FBXL17: variants seen among roughly 807,000 people sequenced by gnomAD.
FBXL17 encodes F-box/LRR-repeat protein 17.
In FBXL17, 22 loss-of-function variants were observed where a neutral mutation model predicts 66.2. The observed-to-expected ratio is 0.33, with a 90% confidence interval of 0.24 to 0.47. The LOEUF (loss-of-function observed/expected upper bound fraction) is 0.47, where lower values mean the gene tolerates loss of function less well. FBXL17 is among the 20% of genes least tolerant of loss of function. The probability of loss-of-function intolerance (pLI) is 1.00; values close to 1 mark genes in which losing one functional copy is unlikely to be tolerated. For synonymous variants in FBXL17, 474 were observed against 400.5 expected (o/e 1.18, Z -2.19); for missense variants, 878 against 948.2 (o/e 0.93, Z 0.97).
chr5:107,913,655 G>A (rs1750026316), intron 7 of FBXL17, among the ~76,000 whole-genome samples: 1 of 152,042 alleles, frequency 6.6e-6, no homozygotes, highest in African/African-American at 2.4e-5. Flanking sequence ...TGGAGGGTGG[G>A]AGGGAGAAAG....
intron 8 of FBXL17, among the ~76,000 whole-genome samples, chr5:107,870,139 A>G (rs982084429): frequency 2.0e-5 from 3 of 152,180 alleles, no homozygotes; most frequent in African/African-American, 7.2e-5. Flanking sequence ...AGTCCAAAAC[A>G]TAGATCAGGT....
chr5:108,170,141 T>C (rs2150015463), intron 6 of FBXL17, among the ~76,000 whole-genome samples: 1 of 152,166 alleles, frequency 6.6e-6, no homozygotes, highest in South Asian at 2.1e-4. Flanking sequence ...AATTTATTAA[T>C]GAAAAAAAAT....
chr5:108,235,837 A>C (rs763833917), intron 4 of FBXL17, among the ~76,000 whole-genome samples: 5 of 152,202 alleles, frequency 3.3e-5, no homozygotes, highest in Admixed American at 1.3e-4. Context: ...TGAATGAATG[A>C]AGTATCTTTT....
chr5:108,110,703 C>A (rs1749999083), intron 6 of FBXL17, among the ~76,000 whole-genome samples: 1 of 151,840 alleles, frequency 6.6e-6, no homozygotes, highest in Non-Finnish European at 1.5e-5. Flanking sequence ...TCATAACCTG[C>A]CAATCCTACT....
At chr5:108,127,193 ACCAACACTTATGTC>A (rs745431060) in intron 6 of FBXL17, among the ~76,000 whole-genome samples, 2 of 152,210 alleles carry the variant, frequency 1.3e-5, no homozygotes, top group Non-Finnish European at 2.9e-5. Flanking sequence ...TTTGGAAGAC[ACCAACACTTATGTC>A]TTTGTAGAAG....
chr5:108,374,245 C>T (rs559797652), intron 1 of FBXL17, among the ~76,000 whole-genome samples: 1 of 152,326 alleles, frequency 6.6e-6, no homozygotes, highest in South Asian at 2.1e-4. Context: ...AATACACATT[C>T]TTCTGAAGTG....
At chr5:108,232,108 T>C (rs1755369611) in intron 4 of FBXL17, among the ~76,000 whole-genome samples, 1 of 152,220 alleles carries the variant, frequency 6.6e-6, no homozygotes, top group Non-Finnish European at 1.5e-5. Context: ...TATGAGTATT[T>C]CCTCCTTCTT....
chr5:108,316,624 T>C (rs1381369268), intron 4 of FBXL17, among the ~76,000 whole-genome samples: 1 of 151,446 alleles, frequency 6.6e-6, no homozygotes, highest in Non-Finnish European at 1.5e-5. Context: ...ATTTCCTTTT[T>C]TTAACGATGT....
intron 7 of FBXL17, among the ~76,000 whole-genome samples, chr5:107,977,791 T>C (rs186006112): frequency 6.0e-4 from 92 of 152,262 alleles, no homozygotes; most frequent in Non-Finnish European, 1.1e-3. Flanking sequence ...GGCACATAGT[T>C]TGTTCTTTGA....
intron 4 of FBXL17, among the ~76,000 whole-genome samples, chr5:108,346,463 G>A (rs1747287998): frequency 6.6e-6 from 1 of 152,020 alleles, no homozygotes; most frequent in East Asian, 1.9e-4. Context: ...CTTTCTTTGG[G>A]AAACCATTGG....
At chr5:108,265,436 A>T (rs928276569) in intron 4 of FBXL17, among the ~76,000 whole-genome samples, 1 of 152,176 alleles carries the variant, frequency 6.6e-6, no homozygotes, top group Non-Finnish European at 1.5e-5. Context: ...TTCCCATAAT[A>T]TTAGATCTAG....
chr5:107,929,093 T>C (rs1750638955), intron 7 of FBXL17, among the ~76,000 whole-genome samples: 1 of 152,172 alleles, frequency 6.6e-6, no homozygotes, highest in Non-Finnish European at 1.5e-5. Flanking sequence ...TCTCTCTTTA[T>C]CTCAAAGGAA....
At chr5:108,123,887 G>C (rs748628724) in intron 6 of FBXL17, among the ~76,000 whole-genome samples, 5 of 152,046 alleles carry the variant, frequency 3.3e-5, no homozygotes, top group Non-Finnish European at 5.9e-5. Context: ...ACAAAATGAA[G>C]AATTTTAATT....
At chr5:108,338,423 A>T (rs1746655599) in intron 4 of FBXL17, among the ~76,000 whole-genome samples, 1 of 152,134 alleles carries the variant, frequency 6.6e-6, no homozygotes, top group Admixed American at 6.6e-5. Context: ...TGTTTTATTA[A>T]AGTGAATGAT....
intron 7 of FBXL17, among the ~76,000 whole-genome samples, chr5:107,963,839 C>T (rs1247376202): frequency 6.6e-6 from 1 of 152,066 alleles, no homozygotes; most frequent in Non-Finnish European, 1.5e-5. Context: ...TATTTGAAAA[C>T]TCACTCTAGG....
chr5:108,379,715 A>G (rs1329553016), intron 1 of FBXL17, among the ~76,000 whole-genome samples: 1 of 152,208 alleles, frequency 6.6e-6, no homozygotes, highest in Non-Finnish European at 1.5e-5. Context: ...CAAATAGGGT[A>G]GGGTGGGAGA....
At chr5:108,267,715 A>G (rs1757101688) in intron 4 of FBXL17, among the ~76,000 whole-genome samples, 1 of 152,084 alleles carries the variant, frequency 6.6e-6, no homozygotes, top group South Asian at 2.1e-4. Flanking sequence ...CAGGTGGCTG[A>G]ACAAGCAGAT....
intron 7 of FBXL17, among the ~76,000 whole-genome samples, chr5:107,989,690 G>A (rs527835819): frequency 2.0e-5 from 3 of 152,108 alleles, no homozygotes; most frequent in East Asian, 1.9e-4. Flanking sequence ...GTAGTTCTAC[G>A]TTTAGTTTTT....
intron 4 of FBXL17, among the ~76,000 whole-genome samples, chr5:108,330,557 CA>C (rs1305544271): frequency 6.6e-6 from 1 of 152,094 alleles, no homozygotes; most frequent in Non-Finnish European, 1.5e-5. Context: ...AGAACACACA[CA>C]AATCAACAAA....
Sources: gnomAD v4.1 joint callset for allele counts (sites outside exome capture counted in the v4.1 genomes callset) on GRCh38, gnomAD v4.1.1 for gene constraint, MANE v1.5 for transcripts, NCBI Gene and HGNC (gene_info 2026-07-23, HGNC 2026-07-21) for gene names.